Variants in RTN4RL1 observed in about 807,000 individuals in gnomAD.
RTN4RL1 encodes reticulon-4 receptor-like 1.
In RTN4RL1, 7 loss-of-function variants were observed where a neutral mutation model predicts 25.6. That is an observed-to-expected ratio of 0.27 (90% CI 0.16 to 0.51). The LOEUF (loss-of-function observed/expected upper bound fraction) is 0.51. RTN4RL1 is among the 20% of genes least tolerant of loss of function. The pLI, the probability that RTN4RL1 is intolerant of heterozygous loss-of-function variation, is 0.97. For synonymous variants in RTN4RL1, 297 were observed against 288.2 expected (o/e 1.03, Z -0.31); for missense variants, 500 against 615.6 (o/e 0.81, Z 1.99).
intron 1 of RTN4RL1, among the ~76,000 whole-genome samples, chr17:2,011,429 C>G (rs2067048469): frequency 6.6e-6 from 1 of 152,146 alleles, no homozygotes; most frequent in Admixed American, 6.5e-5. Context: ...CTCCACTGGG[C>G]TCTTCCTTCT....
chr17:1,985,940 C>G (rs1232226945), intron 1 of RTN4RL1, among the ~76,000 whole-genome samples: 1 of 152,132 alleles, frequency 6.6e-6, no homozygotes, highest in Non-Finnish European at 1.5e-5. Flanking sequence ...TGCCCCGCCT[C>G]TCAGCTGCAG....
At chr17:1,963,955 G>A (rs944663066) in intron 1 of RTN4RL1, among the ~76,000 whole-genome samples, 2 of 152,074 alleles carry the variant, frequency 1.3e-5, no homozygotes, top group African/African-American at 2.4e-5. Flanking sequence ...TCAGACTCCC[G>A]ACCTCAGGTG....
chr17:1,987,032 T>C (rs1487192532), intron 1 of RTN4RL1, among the ~76,000 whole-genome samples: 1 of 152,236 alleles, frequency 6.6e-6, no homozygotes, highest in Non-Finnish European at 1.5e-5. Context: ...GGGGACCAAG[T>C]GGGGTTCTGA....
intron 1 of RTN4RL1, among the ~76,000 whole-genome samples, chr17:1,958,446 TC>T (rs1384427092): frequency 6.6e-6 from 1 of 152,096 alleles, no homozygotes; most frequent in Non-Finnish European, 1.5e-5. Context: ...CATTATTAAT[TC>T]CCTCTTCTTG....
chr17:2,018,618 G>A (rs1474841314), intron 1 of RTN4RL1, among the ~76,000 whole-genome samples: 1 of 152,220 alleles, frequency 6.6e-6, no homozygotes, highest in Non-Finnish European at 1.5e-5. Context: ...GGAGCACAGA[G>A]GTCCAGAGGG....
chr17:1,944,430 C>A (rs866293665), intron 1 of RTN4RL1, among the ~76,000 whole-genome samples: 1 of 152,048 alleles, frequency 6.6e-6, no homozygotes, highest in African/African-American at 2.4e-5. Flanking sequence ...TCAGACGCAG[C>A]GCCTTCATTT....
At chr17:2,017,572 G>C (rs2067140789) in intron 1 of RTN4RL1, 1 of 152,316 alleles carries the variant, frequency 6.6e-6, no homozygotes, top group Non-Finnish European at 1.5e-5. Context: ...AATGGTGTGG[G>C]TGCCAGCAGA....
At chr17:1,956,358 C>A (rs900935555) in intron 1 of RTN4RL1, among the ~76,000 whole-genome samples, 1 of 151,292 alleles carries the variant, frequency 6.6e-6, no homozygotes, top group African/African-American at 2.4e-5. Flanking sequence ...GGGTGTGAAG[C>A]CTTGGACAGC....
At chr17:1,964,605 G>A (rs1326893381) in intron 1 of RTN4RL1, among the ~76,000 whole-genome samples, 8 of 151,796 alleles carry the variant, frequency 5.3e-5, no homozygotes, top group African/African-American at 1.7e-4. Context: ...GGTGGCGGGC[G>A]CCTGTAGTCC....
chr17:1,960,761 T>A (rs924362217), intron 1 of RTN4RL1, among the ~76,000 whole-genome samples: 1 of 152,076 alleles, frequency 6.6e-6, no homozygotes, highest in African/African-American at 2.4e-5. Flanking sequence ...TCTGTCTCTG[T>A]GGATTGGCCT....
At position 1,936,715 on chromosome 17, in the gene RTN4RL1, G is replaced by A. The variant is rs770578456; in HGVS notation, c.1107C>T (p.Gly369=). Reference sequence around the variant, plus strand: ...GCAGCTCGGGGGCCTGTTTCCCGGCGCCCGCCTTAGAGATCTGATTGCGGT... The same window carrying A: ...GCAGCTCGGGGGCCTGTTTCCCGGCACCCGCCTTAGAGATCTGATTGCGGT... ...PRNRNQISKA[G]AGKQAPELPD... The change falls in exon 2 of 2, where the codon GGC becomes GGT. Residue 369 remains glycine (G), a synonymous_variant. Transcript: ENST00000331238. 17 of 1,584,152 alleles carry A rather than the reference G, an allele frequency of 1.1e-5. No homozygotes were observed. The highest frequency in any genetic ancestry group is 6.7e-5 in the East Asian group (3 of 44,676).
chr17:1,991,879 T>G (rs2066910430), intron 1 of RTN4RL1, among the ~76,000 whole-genome samples: 1 of 152,168 alleles, frequency 6.6e-6, no homozygotes, highest in Non-Finnish European at 1.5e-5. Context: ...GTAGATCAAT[T>G]CCTGGAAGTG....
chr17:1,969,150 C>T (rs4790851), intron 1 of RTN4RL1, among the ~76,000 whole-genome samples: 57,695 of 149,330 alleles, frequency 0.39, 11,507 homozygotes, highest in Admixed American at 0.54. Flanking sequence ...CCTCTGCCTC[C>T]GAGGTTAAAA....
intron 1 of RTN4RL1, among the ~76,000 whole-genome samples, chr17:2,005,964 T>C (rs1364681431): frequency 6.6e-6 from 1 of 150,980 alleles, no homozygotes; most frequent in Non-Finnish European, 1.5e-5. Context: ...GCCCGCCTTA[T>C]TTTTTGTATT....
intron 1 of RTN4RL1, among the ~76,000 whole-genome samples, chr17:1,939,929 CG>C (rs1339290546): frequency 4.6e-5 from 7 of 152,186 alleles, no homozygotes; most frequent in African/African-American, 7.2e-5. Flanking sequence ...ATGGGAGAGC[CG>C]GGGCACCCAG....
rs1054976518 is a variant in RTN4RL1 at position 1,936,135 on chromosome 17, T to C, written c.*361A>G. On this transcript the variant is annotated 3_prime_UTR_variant, in exon 2 of 2. Transcript: ENST00000331238. ...GGAACCACGGGGCCCTCCAGACCTC[T>C]CGGAACGATCGGGATTCCACAGAGC... 1 of 1,068,312 alleles carries C rather than the reference T, an allele frequency of 9.4e-7. No individual in the cohort carries two copies. Among genetic ancestry groups the C allele is most frequent in the Admixed American group, 4.8e-5 (1 of 20,740 alleles). 66.2% of individuals were successfully genotyped at this position (1,068,312 alleles called of 1,614,324 possible).
At chr17:2,006,608 A>T (rs1179965021) in intron 1 of RTN4RL1, among the ~76,000 whole-genome samples, 1 of 147,050 alleles carries the variant, frequency 6.8e-6, no homozygotes, top group Non-Finnish European at 1.5e-5. Flanking sequence ...ATGAGCCACC[A>T]CGCCTGGCCA....
chr17:1,989,691 A>C (rs2151318819), intron 1 of RTN4RL1, among the ~76,000 whole-genome samples: 1 of 152,252 alleles, frequency 6.6e-6, no homozygotes, highest in Admixed American at 6.5e-5. Context: ...CTTCTGCCTC[A>C]GCCTCCCGAG....
intron 1 of RTN4RL1, among the ~76,000 whole-genome samples, chr17:1,987,686 T>A (rs956996605): frequency 1.3e-5 from 2 of 150,232 alleles, no homozygotes; most frequent in African/African-American, 4.9e-5. Flanking sequence ...CAGCACCTGT[T>A]TGCCTGCACT....
Sources: allele counts gnomAD v4.1 joint callset (sites outside exome capture counted in the v4.1 genomes callset), GRCh38; gene constraint gnomAD v4.1.1; transcripts MANE v1.5; gene names NCBI Gene and HGNC (gene_info 2026-07-23, HGNC 2026-07-21).